The following KCTD20 variants were observed in gnomAD, a reference collection of about 807,000 sequenced individuals.
The protein encoded by KCTD20 is potassium channel tetramerization domain containing 20.
A neutral mutation model predicts 39.6 loss-of-function variants in KCTD20; 30 were observed. That is an observed-to-expected ratio of 0.76 (90% CI 0.57 to 1.03). KCTD20 has a LOEUF of 1.03. KCTD20 is among the 50% of genes least tolerant of loss of function. KCTD20 has a pLI of 0.00. For missense variants in KCTD20, 422 were observed against 522.0 expected, an observed-to-expected ratio of 0.81 and a Z score of 1.87; for synonymous variants, 162 against 180.6, an observed-to-expected ratio of 0.90 and a Z score of 0.83.
intron 1 of KCTD20, among the ~76,000 whole-genome samples, chr6:36,468,638 G>A (rs1053024351): frequency 6.6e-6 from 1 of 152,168 alleles, no homozygotes; most frequent in African/African-American, 2.4e-5. Context: ...GGCATTGGTG[G>A]TTCTGTTTGA....
In KCTD20 at chr6:36,479,724, G is replaced by A. The variant is rs1232744186; in HGVS notation, c.658+13G>A. The A allele has an allele frequency of 2.5e-6, 4 of 1,591,894 alleles. No homozygotes were observed. Among genetic ancestry groups the A allele is most frequent in the Middle Eastern group, 1.7e-4 (1 of 5,982 alleles). On this transcript the variant is annotated intron_variant, in intron 5 of 7. Coordinates refer to ENST00000373731, the MANE Select transcript of KCTD20 (RefSeq NM_173562.5). ...TGTCAAGATCTGAGTAAGTACAGGA[G>A]CAGGTGCCAGCTGCACTTAAGCAGC...
chr6:36,473,513 CTGTAA>C (rs960708780), intron 2 of KCTD20, among the ~76,000 whole-genome samples: 216 of 152,122 alleles, frequency 1.4e-3, no homozygotes, highest in African/African-American at 4.7e-3. Flanking sequence ...TGGCTCATGC[CTGTAA>C]TCCCAGCACT....
intron 1 of KCTD20, chr6:36,443,757 A>G (rs944679124): frequency 6.6e-6 from 1 of 152,228 alleles, no homozygotes; most frequent in African/African-American, 2.4e-5. Context: ...GTTCTGCACT[A>G]TGAGAAAACT....
chr6:36,479,104 G>T lies in KCTD20; in HGVS notation c.435-17G>T, dbSNP rs1776156484. ...TCATGATGGAGAAGATAACATTATT[G>T]CCTGGATATCTTTCAGGATGTTTGG... On this transcript the variant is annotated splice_polypyrimidine_tract_variant and intron_variant, in intron 3 of 7. Coordinates refer to ENST00000373731, the MANE Select transcript of KCTD20 (RefSeq NM_173562.5). 6.7e-7 allele frequency: 1 copy of T among 1,500,672 alleles called. No homozygotes were observed. The highest frequency in any genetic ancestry group is 9.3e-7 in the Non-Finnish European group (1 of 1,078,608). The allele number at this position is 1,500,672 out of a possible 1,614,324, so 93.0% of individuals were successfully genotyped here.
At chr6:36,444,282 A>G (rs1333154895) in intron 1 of KCTD20, among the ~76,000 whole-genome samples, 1 of 152,194 alleles carries the variant, frequency 6.6e-6, no homozygotes, top group Non-Finnish European at 1.5e-5. Context: ...AAAACTGCCC[A>G]ACAGCCTTAA....
Position 36,487,216 on chromosome 6 carries a change from C to T in KCTD20, c.*41C>T. The T allele has an allele frequency of 6.4e-7, 1 of 1,567,012 alleles. No individual in the cohort carries two copies. Among genetic ancestry groups the T allele is most frequent in the South Asian group, 1.2e-5 (1 of 83,846 alleles). On this transcript the variant is annotated 3_prime_UTR_variant, in exon 8 of 8. Transcript: ENST00000373731. ...TACTCCTTGTTGGAGCCCATCTCACCTGGGATGCCTGCAGCCAGCCCTCCC... is the reference window on the plus strand; with the variant it reads ...TACTCCTTGTTGGAGCCCATCTCACTTGGGATGCCTGCAGCCAGCCCTCCC...
At chr6:36,483,798 C>T (rs1416920803) in intron 6 of KCTD20, among the ~76,000 whole-genome samples, 1 of 152,012 alleles carries the variant, frequency 6.6e-6, no homozygotes, top group East Asian at 1.9e-4. Flanking sequence ...TGATTACAGG[C>T]GTGAGCCACT....
intron 3 of KCTD20, among the ~76,000 whole-genome samples, chr6:36,475,750 A>T (rs1025937366): frequency 1.4e-3 from 148 of 105,872 alleles, no homozygotes; most frequent in Admixed American, 3.9e-3. Context: ...CTCCCTTTTT[A>T]AAAAAAAAAA....
intron 5 of KCTD20, among the ~76,000 whole-genome samples, chr6:36,480,395 T>A (rs551079710): frequency 1.1e-4 from 16 of 150,638 alleles, no homozygotes; most frequent in African/African-American, 3.9e-4. Flanking sequence ...CAGGTTCTCC[T>A]GATCATGATA....
intron 1 of KCTD20, among the ~76,000 whole-genome samples, chr6:36,446,210 T>C (rs545161953): frequency 6.7e-4 from 102 of 152,066 alleles, no homozygotes; most frequent in African/African-American, 2.1e-3. Context: ...GTATTTTTAG[T>C]TGGGACGGGA....
rs554663625 is a variant in KCTD20, at chr6:36,460,439, A to G, written c.-46-9613A>G. On this transcript the variant is annotated intron_variant, in intron 1 of 7. Coordinates refer to ENST00000373731, the MANE Select transcript of KCTD20 (RefSeq NM_173562.5). Reference sequence around the variant, plus strand: ...CTGCCTCGGCCTCCCGAGTAGTTAGAACTACAGGTGCCCACCATCACACCC... The same window carrying G: ...CTGCCTCGGCCTCCCGAGTAGTTAGGACTACAGGTGCCCACCATCACACCC... Among the ~76,000 whole-genome samples the G allele has an allele frequency of 2.0e-5, 3 of 152,202 alleles. No individual in the cohort carries two copies. In the East Asian group the frequency reaches 5.8e-4, roughly 30 times the overall value.
intron 3 of KCTD20, 71 bp downstream of exon 3, chr6:36,475,133 C>T (rs1776026424): frequency 6.8e-7 from 1 of 1,478,170 alleles, no homozygotes; most frequent in Non-Finnish European, 9.2e-7. Context: ...GTTTATCTTG[C>T]ATTAGATATA....
intron 1 of KCTD20, among the ~76,000 whole-genome samples, chr6:36,446,612 C>T (rs1775055629): frequency 6.6e-6 from 1 of 152,092 alleles, no homozygotes; most frequent in Admixed American, 6.5e-5. Context: ...CACAGGGAGA[C>T]CCTGTCTGTA....
chr6:36,469,931 T>A lies in KCTD20; in HGVS notation c.-46-121T>A, dbSNP rs1775862671. On this transcript the variant is annotated intron_variant, in intron 1 of 7. Transcript: ENST00000373731. The surrounding 1 kb of genome is among the most constrained non-coding windows in gnomAD (Gnocchi z 4.6). ...ATAAAAATCACAAAAATGTTTAAGA[T>A]GCCTATTTCTCCTGAGAACAGGAAT... is the stretch of plus-strand genomic sequence containing the variant. 2.1e-6 allele frequency: 1 copy of A among 467,120 alleles called. No homozygotes were observed. The highest frequency in any genetic ancestry group is 7.4e-5 in the South Asian group (1 of 13,538). 28.9% of individuals were successfully genotyped at this position (467,120 alleles called of 1,614,324 possible).
chr6:36,454,915 T>G (rs2127432807), intron 1 of KCTD20, among the ~76,000 whole-genome samples: 1 of 151,936 alleles, frequency 6.6e-6, no homozygotes, highest in African/African-American at 2.4e-5. Context: ...CCCAAAGTGC[T>G]AGGATTACAG....
chr6:36,476,217 AATG>A (rs1776057766), intron 3 of KCTD20, among the ~76,000 whole-genome samples: 1 of 152,140 alleles, frequency 6.6e-6, no homozygotes, highest in Non-Finnish European at 1.5e-5. Context: ...TAGTAATAAT[AATG>A]ATATTATACA....
At chr6:36,452,877 A>G (rs1389660278) in intron 1 of KCTD20, among the ~76,000 whole-genome samples, 2 of 151,874 alleles carry the variant, frequency 1.3e-5, no homozygotes, top group African/African-American at 2.4e-5. Flanking sequence ...GAGAATTCAC[A>G]TAACATACAA....
intron 1 of KCTD20, among the ~76,000 whole-genome samples, chr6:36,464,226 C>T: frequency 6.6e-6 from 1 of 152,020 alleles, no homozygotes; most frequent in East Asian, 1.9e-4. Flanking sequence ...GTCTATGAAC[C>T]AAGAATTTCA....
chr6:36,479,443 G>C, intron 4 of KCTD20, 148 bp from the exon 5 acceptor site: 3 of 753,922 alleles, frequency 4.0e-6, no homozygotes. Context: ...AAGATAGCCA[G>C]GAGCTGTTTT....
Sources: allele counts gnomAD v4.1 joint callset (sites outside exome capture counted in the v4.1 genomes callset), GRCh38; gene constraint gnomAD v4.1.1; non-coding constraint Gnocchi (gnomAD v3.1); transcripts MANE v1.5; gene names NCBI Gene and HGNC (gene_info 2026-07-23, HGNC 2026-07-21).